The following PLAA variants were observed in gnomAD, a reference collection of about 807,000 sequenced individuals.
The protein encoded by PLAA is phospholipase A-2-activating protein.
Under a neutral mutation model 84.1 loss-of-function variants are expected in PLAA, and 48 were observed. The observed-to-expected ratio is 0.57, with a 90% CI of 0.45 to 0.73. The LOEUF (loss-of-function observed/expected upper bound fraction) is 0.73, where lower values mean the gene tolerates loss of function less well. Ranked by LOEUF, PLAA falls within the 30% of genes least tolerant of loss-of-function variation. The pLI is 0.00. For synonymous variants in PLAA, 392 were observed against 336.6 expected, an observed-to-expected ratio of 1.16 and a Z score of -1.80; for missense variants, 903 against 954.7, an observed-to-expected ratio of 0.95 and a Z score of 0.71.
Position 26,907,838 on chromosome 9 carries a change from A to G in PLAA, c.1818T>C (p.Pro606=). The change falls in exon 13 of 14, where the codon CCT becomes CCC. Residue 606 remains proline (P), a synonymous_variant. Transcript: ENST00000397292. ...LQILWKAINC[P]EDIVFPALDI... is the part of the protein sequence containing the mutation. ...TTTTGAAGAGTGTTTATTTACCTTC[A>G]GGACAGTTAATAGCTTTCCACAAAA... 6.2e-7 allele frequency: 1 copy of G among 1,601,314 alleles called. No individual in the cohort carries two copies. The highest frequency in any genetic ancestry group is 8.5e-7 in the Non-Finnish European group (1 of 1,176,904).
chr9:26,911,372 C>T (rs865982754), intron 11 of PLAA, among the ~76,000 whole-genome samples: 1 of 152,126 alleles, frequency 6.6e-6, no homozygotes, highest in South Asian at 2.1e-4. Flanking sequence ...AGGCTGGTCT[C>T]GAACTCCTGA....
chr9:26,939,484 C>CAAAAAAAAAAAAAAA (rs58833364), intron 1 of PLAA, among the ~76,000 whole-genome samples: 1 of 76,922 alleles, frequency 1.3e-5, no homozygotes, highest in Non-Finnish European at 2.8e-5. Context: ...GATGAGAGAC[C>CAAAAAAAAAAAAAAA]AAAAAAAAAA....
chr9:26,931,135 G>C (rs544866666), intron 2 of PLAA, among the ~76,000 whole-genome samples: 20 of 143,922 alleles, frequency 1.4e-4, no homozygotes, highest in African/African-American at 5.2e-4. Flanking sequence ...CCAATGGCCA[G>C]ATATGGAACA....
chr9:26,927,340 C>G (rs946848988), intron 4 of PLAA, among the ~76,000 whole-genome samples: 9 of 152,102 alleles, frequency 5.9e-5, no homozygotes, highest in Admixed American at 3.3e-4. Context: ...CCAGGCTGAT[C>G]TCGAACTCAT....
At chr9:26,921,620 G>A (rs867993807) in intron 7 of PLAA, among the ~76,000 whole-genome samples, 3 of 152,160 alleles carry the variant, frequency 2.0e-5, no homozygotes, top group Non-Finnish European at 4.4e-5. Context: ...TTTTTTAAAC[G>A]CTACAGTGTA....
intron 13 of PLAA, among the ~76,000 whole-genome samples, chr9:26,907,443 G>A (rs1026925117): frequency 3.3e-5 from 5 of 152,080 alleles, no homozygotes; most frequent in East Asian, 3.8e-4. Context: ...GCAGGAGAAC[G>A]GCGTGAACCC....
intron 10 of PLAA, 71 bp downstream of exon 10, chr9:26,917,026 T>C: frequency 8.0e-7 from 1 of 1,249,688 alleles, no homozygotes; most frequent in South Asian, 1.2e-5. Flanking sequence ...ATCTCCAAGA[T>C]GTAAAGCCAT....
chr9:26,923,217 C>T lies in PLAA; in HGVS notation c.1000G>A (p.Ala334Thr). ...SKTGDLGDINAEQLPGREHLN... is the reference protein window; with the variant it reads ...SKTGDLGDINTEQLPGREHLN... ...TGTTCCCTCCCAGGAAGCTGCTCAG[C>T]ATTGATGTCCCCTAAATCGCCAGTT... The change falls in exon 7 of 14, where the codon GCT (alanine) becomes ACT (threonine). Residue 334 changes from alanine to threonine, a missense_variant. Ala to Thr is a moderately conservative substitution (Grantham distance 58). Coordinates refer to ENST00000397292, the MANE Select transcript of PLAA (RefSeq NM_001031689.3). 5.0e-6 allele frequency: 8 copies of T among 1,612,668 alleles called. No individual in the cohort carries two copies. Among genetic ancestry groups the T allele is most frequent in the Non-Finnish European group, 6.8e-6 (8 of 1,179,056 alleles).
At chr9:26,930,368 G>C (rs898190927) in intron 2 of PLAA, among the ~76,000 whole-genome samples, 1 of 152,132 alleles carries the variant, frequency 6.6e-6, no homozygotes, top group Non-Finnish European at 1.5e-5. Flanking sequence ...CCTCCCAAGT[G>C]CTGGGATTAC....
intron 13 of PLAA, 165 bp downstream of exon 13, chr9:26,907,669 C>T (rs548729653): frequency 6.0e-6 from 3 of 503,548 alleles, no homozygotes; most frequent in Non-Finnish European, 1.0e-5. Context: ...GAAACAAGAT[C>T]ATCAATTCCA....
rs114412438 is a variant in PLAA, at chr9:26,936,671, A to G, written c.150-1465T>C. Reference sequence around the variant, plus strand: ...AACCTTGCTCACAGCTGTAGGAACTAGGGTTGGCAAAAAGGATCCTGTCCT... The same window carrying G: ...AACCTTGCTCACAGCTGTAGGAACTGGGGTTGGCAAAAAGGATCCTGTCCT... On this transcript the variant is annotated intron_variant, in intron 1 of 13. Transcript: ENST00000397292. Among the ~76,000 whole-genome samples the G allele has an allele frequency of 9.8e-3, 1,488 of 152,214 alleles. 20 individuals are homozygous for G. Among genetic ancestry groups the G allele is most frequent in the African/African-American group, 0.034 (1,399 of 41,502 alleles).
chr9:26,945,367 A>T (rs1825659541), intron 1 of PLAA, among the ~76,000 whole-genome samples: 3 of 152,204 alleles, frequency 2.0e-5, no homozygotes, highest in Admixed American at 2.0e-4. Context: ...ACTGGATTCA[A>T]TTTTAAAGGC....
At position 26,913,920 on chromosome 9, in the gene PLAA, G is replaced by T. The variant is rs1259042327; in HGVS notation, c.1514C>A (p.Ala505Glu). 1.9e-6 allele frequency: 3 copies of T among 1,611,940 alleles called. No homozygotes were observed. Reference protein sequence around the residue: ...TGAGRYVPGSASMGTTMAGVD... With the variant: ...TGAGRYVPGSESMGTTMAGVD... Reference sequence around the variant, plus strand: ...TCCGGCCATGGTAGTTCCCATACTTGCAGAACCTGGTACATAACGACCAGC... The same window carrying T: ...TCCGGCCATGGTAGTTCCCATACTTTCAGAACCTGGTACATAACGACCAGC... Residue 505 changes from alanine (A) to glutamate (E), a missense_variant, in exon 11 of 14, where the codon GCA (alanine) becomes GAA (glutamate). Ala to Glu is a moderately radical substitution (Grantham distance 107). Transcript: ENST00000397292.
At chr9:26,922,202 A>G (rs1302647588) in intron 7 of PLAA, among the ~76,000 whole-genome samples, 1 of 152,094 alleles carries the variant, frequency 6.6e-6, no homozygotes, top group African/African-American at 2.4e-5. Context: ...GATGTGTCAA[A>G]ATGTAATAAA....
chr9:26,913,961 A>ATAC lies in PLAA; in HGVS notation c.1487-17_1487-15dup, dbSNP rs1296577675. On this transcript the variant is annotated splice_polypyrimidine_tract_variant and intron_variant, in intron 10 of 13. Transcript: ENST00000397292. ...AACGACCAGCACCTACAATACAATA[A>ATAC]TACTCCTAGTAAGCAAAGGTGACTG... The ATAC allele has an allele frequency of 6.3e-7, 1 of 1,583,234 alleles. No individual in the cohort carries two copies.
chr9:26,928,208 C>A lies in PLAA; in HGVS notation c.457G>T (p.Ala153Ser). ...GGTAAGATCTTTACCGCCCACACTG[C>A]AGCTGTATGACCCTGTGAGTAAAAT... is the stretch of plus-strand genomic sequence containing the variant. ...CMMTLQGHTA[A>S]VWAVKILPEQ... is the part of the protein sequence containing the mutation. Residue 153 changes from alanine to serine, a missense_variant, in exon 4 of 14, where the codon GCA (alanine) becomes TCA (serine). Physicochemically the swap from Ala to Ser is moderately conservative, Grantham distance 99. Transcript: ENST00000397292. 2 of 1,614,190 alleles carry A rather than the reference C, an allele frequency of 1.2e-6. No homozygotes were observed. Among genetic ancestry groups the A allele is most frequent in the African/African-American group, 1.3e-5 (1 of 75,072 alleles).
chr9:26,927,989 T>C, intron 4 of PLAA, 111 bp downstream of exon 4: 1 of 1,178,872 alleles, frequency 8.5e-7, no homozygotes, highest in Non-Finnish European at 1.2e-6. Context: ...AATTAATAGC[T>C]TAAATATACT....
At chr9:26,911,974 T>A (rs1474533146) in intron 11 of PLAA, among the ~76,000 whole-genome samples, 1 of 152,162 alleles carries the variant, frequency 6.6e-6, no homozygotes, top group South Asian at 2.1e-4. Flanking sequence ...CATACACACA[T>A]TGCCTGCATT....
chr9:26,907,036 GAAA>G (rs59918176), intron 13 of PLAA, among the ~76,000 whole-genome samples: 23 of 90,502 alleles, frequency 2.5e-4, no homozygotes, highest in African/African-American at 9.1e-4. Flanking sequence ...ACATTTTATT[GAAA>G]AAAAAAAAAA....
Sources: allele counts gnomAD v4.1 joint callset (sites outside exome capture counted in the v4.1 genomes callset), GRCh38; gene constraint gnomAD v4.1.1; transcripts MANE v1.5; gene names NCBI Gene and HGNC (gene_info 2026-07-23, HGNC 2026-07-21).